HPGDS: variants seen among roughly 807,000 people sequenced by gnomAD.
HPGDS encodes the protein hematopoietic prostaglandin D synthase.
HPGDS carries 26 observed loss-of-function variants against 23.1 expected under a neutral mutation model. The ratio of observed to expected loss-of-function variants is 1.13; its 90% CI spans 0.83 to 1.56. HPGDS has a LOEUF of 1.56. Ranked by LOEUF, HPGDS falls within the 40% of genes most tolerant of loss-of-function variation. HPGDS has a pLI of 0.00. For synonymous variants in HPGDS, 95 were observed against 77.9 expected (o/e 1.22, Z -1.16); for missense variants, 268 against 236.4 (o/e 1.13, Z -0.88).
At chr4:94,308,819 T>C in intron 3 of HPGDS, 76 bp from the exon 4 acceptor site, 2 of 705,426 alleles carry the variant, frequency 2.8e-6, no homozygotes, top group Middle Eastern at 2.5e-4. Flanking sequence ...GATAGTATAC[T>C]CATATGGTTG....
chr4:94,299,547 C>G lies in HPGDS; in HGVS notation c.533G>C (p.Arg178Pro). Residue 178 changes from arginine (R) to proline (P), a missense_variant, in exon 6 of 6, where the codon CGG becomes CCG. By Grantham distance (103) the Arg-to-Pro change is moderately radical (BLOSUM62 -2). Coordinates refer to ENST00000295256, the MANE Select transcript of HPGDS (RefSeq NM_014485.3). ...LDNHPRLVTL[R>P]KKVQAIPAVA... Reference sequence around the variant, plus strand: ...GGCAGGAATGGCTTGGACTTTCTTCCGTAAAGTCACCAGCCTTGGATGGTT... The same window carrying G: ...GGCAGGAATGGCTTGGACTTTCTTCGGTAAAGTCACCAGCCTTGGATGGTT... 2 of 1,613,854 alleles carry G rather than the reference C, an allele frequency of 1.2e-6. No homozygotes were observed. The highest frequency in any genetic ancestry group is 1.7e-6 in the Non-Finnish European group (2 of 1,179,992).
At chr4:94,311,936 A>G (rs1345735768) in intron 3 of HPGDS, among the ~76,000 whole-genome samples, 4 of 151,836 alleles carry the variant, frequency 2.6e-5, no homozygotes, top group Admixed American at 6.6e-5. Context: ...AGAGGTGTTT[A>G]TAGTATTCTC....
chr4:94,319,920 C>A (rs185496433), intron 2 of HPGDS, among the ~76,000 whole-genome samples: 177 of 152,252 alleles, frequency 1.2e-3, no homozygotes, highest in Middle Eastern at 3.4e-3. Context: ...TCTACCCCCA[C>A]CCTGCAACAG....
chr4:94,340,305 C>CTTTTTTTTTTT (rs781532046), intron 1 of HPGDS, among the ~76,000 whole-genome samples: 1 of 26,200 alleles, frequency 3.8e-5, no homozygotes. Flanking sequence ...TTCTTTCTTT[C>CTTTTTTTTTTT]TTTCTCTTTT....
In HPGDS at chr4:94,327,402, C is replaced by T. The variant is rs756486692; in HGVS notation, c.133+7095G>A. ...TGCACCAGTGGCAGCAGGCAGGGCA[C>T]GTTGATCCCCAGACCCCTGGATAAT... On this transcript the variant is annotated intron_variant, in intron 2 of 5. Transcript: ENST00000295256. 3.9e-5 allele frequency among the ~76,000 whole-genome samples: 6 copies of T among 152,160 alleles called. No individual in the cohort carries two copies. In the East Asian group the frequency reaches 5.8e-4, roughly 15 times the overall value.
At chr4:94,324,200 CT>C (rs1560592179) in intron 2 of HPGDS, among the ~76,000 whole-genome samples, 2 of 152,066 alleles carry the variant, frequency 1.3e-5, no homozygotes, top group East Asian at 3.9e-4. Flanking sequence ...ACATTTTTTC[CT>C]TCATTTCAAC....
chr4:94,342,074 G>A (rs1316355300), intron 1 of HPGDS, among the ~76,000 whole-genome samples: 1 of 152,048 alleles, frequency 6.6e-6, no homozygotes, highest in African/African-American at 2.4e-5. Context: ...GTTGTTGACT[G>A]AGTAAGATAT....
chr4:94,317,908 C>G lies in HPGDS; in HGVS notation c.191G>C (p.Ser64Thr). Reference sequence around the variant, plus strand: ...GGTCAAATATCTTGCTATTGCTAGGCTCTGGTGAAGAGTAAGTCCATCAAC... The same window carrying G: ...GGTCAAATATCTTGCTATTGCTAGGGTCTGGTGAAGAGTAAGTCCATCAAC... ...LEVDGLTLHQ[S>T]LAIARYLTKN... Residue 64 changes from serine (S) to threonine (T), a missense_variant, in exon 3 of 6, where the codon AGC becomes ACC. Physicochemically the swap from Ser to Thr is moderately conservative, Grantham distance 58 (BLOSUM62 1). Transcript: ENST00000295256. 6.2e-7 allele frequency: 1 copy of G among 1,612,234 alleles called. No individual in the cohort carries two copies. Among genetic ancestry groups the G allele is most frequent in the East Asian group, 2.2e-5 (1 of 44,768 alleles).
At chr4:94,302,322 C>T (rs1756058576) in intron 4 of HPGDS, 78 bp from the exon 5 acceptor site, 1 of 929,046 alleles carries the variant, frequency 1.1e-6, no homozygotes, top group Admixed American at 2.1e-5. Flanking sequence ...TAGATTTCTC[C>T]ATCTTTATTC....
intron 2 of HPGDS, among the ~76,000 whole-genome samples, chr4:94,324,333 T>C (rs1756583578): frequency 6.6e-6 from 1 of 151,970 alleles, no homozygotes; most frequent in South Asian, 2.1e-4. Context: ...GAAGTTCTCC[T>C]GGATAATATA....
At chr4:94,317,540 A>G (rs1756421406) in intron 3 of HPGDS, among the ~76,000 whole-genome samples, 1 of 152,112 alleles carries the variant, frequency 6.6e-6, no homozygotes, top group Non-Finnish European at 1.5e-5. Flanking sequence ...CTGCTAAGTA[A>G]TTTTCTCTAA....
intron 4 of HPGDS, among the ~76,000 whole-genome samples, chr4:94,307,773 A>C (rs1756166502): frequency 6.6e-6 from 1 of 152,172 alleles, no homozygotes. Context: ...AAGTGAAAAG[A>C]AGCAAAAGAA....
At chr4:94,340,420 G>A (rs1202487259) in intron 1 of HPGDS, among the ~76,000 whole-genome samples, 3 of 125,790 alleles carry the variant, frequency 2.4e-5, no homozygotes, top group Non-Finnish European at 3.2e-5. Flanking sequence ...CTCACTGCAA[G>A]CTCCACCTCC....
At chr4:94,309,905 TC>T (rs1207879703) in intron 3 of HPGDS, among the ~76,000 whole-genome samples, 2 of 152,218 alleles carry the variant, frequency 1.3e-5, no homozygotes, top group Non-Finnish European at 2.9e-5. Flanking sequence ...TTTTCATGTG[TC>T]TTTTGGCTGC....
intron 3 of HPGDS, among the ~76,000 whole-genome samples, chr4:94,314,941 G>T (rs1400481540): frequency 6.6e-6 from 1 of 152,220 alleles, no homozygotes; most frequent in African/African-American, 2.4e-5. Context: ...TCTTAGCCAG[G>T]CACGGGATAT....
chr4:94,323,255 G>C (rs1756554386), intron 2 of HPGDS, among the ~76,000 whole-genome samples: 1 of 152,220 alleles, frequency 6.6e-6, no homozygotes, highest in South Asian at 2.1e-4. Flanking sequence ...TTGGGGTGGA[G>C]AGTTCTGTAG....
At chr4:94,307,990 C>A (rs1323418402) in intron 4 of HPGDS, among the ~76,000 whole-genome samples, 1 of 152,014 alleles carries the variant, frequency 6.6e-6, no homozygotes, top group Non-Finnish European at 1.5e-5. Context: ...GTTGAGATCC[C>A]TTATCCAACA....
At chr4:94,331,849 C>T (rs932723901) in intron 2 of HPGDS, among the ~76,000 whole-genome samples, 1 of 152,102 alleles carries the variant, frequency 6.6e-6, no homozygotes, top group East Asian at 1.9e-4. Flanking sequence ...TTGATAGAGG[C>T]AGGAGGCAGA....
intron 4 of HPGDS, among the ~76,000 whole-genome samples, chr4:94,303,465 C>T (rs940775072): frequency 6.6e-6 from 1 of 152,132 alleles, no homozygotes; most frequent in African/African-American, 2.4e-5. Flanking sequence ...GGATACTCAA[C>T]ATGTACTTAC....
Sources: gnomAD v4.1 joint callset for allele counts (sites outside exome capture counted in the v4.1 genomes callset) on GRCh38, gnomAD v4.1.1 for gene constraint, MANE v1.5 for transcripts, NCBI Gene and HGNC (gene_info 2026-07-23, HGNC 2026-07-21) for gene names.